Variants in USP37 observed in about 807,000 individuals in gnomAD.
The protein encoded by USP37 is ubiquitin carboxyl-terminal hydrolase 37.
Under a neutral mutation model 124.0 loss-of-function variants are expected in USP37, and 27 were observed. That is an observed-to-expected ratio of 0.22 (90% CI 0.16 to 0.30). The LOEUF is 0.30. Among genes scored for constraint, USP37 ranks in the 10% least tolerant of loss-of-function variants. The probability of loss-of-function intolerance (pLI) is 1.00; values close to 1 mark genes in which losing one functional copy is unlikely to be tolerated. For synonymous variants in USP37, 365 were observed against 388.0 expected (o/e 0.94, Z 0.70); for missense variants, 889 against 1,140.4 (o/e 0.78, Z 3.17).
intron 19 of USP37, among the ~76,000 whole-genome samples, chr2:218,476,290 CA>C (rs1161302950): frequency 6.6e-6 from 1 of 152,098 alleles, no homozygotes; most frequent in African/African-American, 2.4e-5. Flanking sequence ...ACAATTGCTA[CA>C]GGCTGGGAGT....
intron 10 of USP37, among the ~76,000 whole-genome samples, chr2:218,526,626 T>C: frequency 6.6e-6 from 1 of 152,144 alleles, no homozygotes; most frequent in East Asian, 1.9e-4. Context: ...TTGTTTGGTA[T>C]TTTTTGAGGC....
intron 8 of USP37, among the ~76,000 whole-genome samples, chr2:218,539,807 C>A (rs910857230): frequency 1.3e-5 from 2 of 151,780 alleles, no homozygotes; most frequent in African/African-American, 4.8e-5. Flanking sequence ...GTCAGGAGTT[C>A]GAGACCAGCC....
rs567276914 is a variant in USP37 at position 218,502,122 on chromosome 2, A to G, written c.1026-3965T>C. The stretch of plus-strand genomic sequence containing the variant: ...GCAGATCACACAGCTGAGAAAGAAG[A>G]AAAAAAACAGAAATGAAAAAGAAGA... On this transcript the variant is annotated intron_variant, in intron 11 of 25. Coordinates refer to ENST00000258399, the MANE Select transcript of USP37 (RefSeq NM_020935.3). 5.3e-5 allele frequency among the ~76,000 whole-genome samples: 8 copies of G among 152,114 alleles called. No homozygotes were observed. In the East Asian group the frequency reaches 1.5e-3, roughly 29 times the overall value.
chr2:218,526,283 G>A (rs2106020333), intron 10 of USP37, among the ~76,000 whole-genome samples: 1 of 152,026 alleles, frequency 6.6e-6, no homozygotes, highest in South Asian at 2.1e-4. Flanking sequence ...CCAGGTTAGA[G>A]TGCAGTGGTG....
intron 16 of USP37, among the ~76,000 whole-genome samples, chr2:218,485,411 C>T (rs1352168292): frequency 1.3e-5 from 2 of 152,148 alleles, no homozygotes; most frequent in African/African-American, 2.4e-5. Context: ...ACCTCAGCCT[C>T]CCAAAGTGCT....
rs1467679493 is a variant in USP37 at position 218,454,997 on chromosome 2, A to T, written c.2873T>A (p.Leu958Gln). Residue 958 changes from leucine (L) to glutamine (Q), a missense_variant, in exon 26 of 26, where the codon CTG becomes CAG. Physicochemically the swap from Leu to Gln is moderately radical, Grantham distance 113. Transcript: ENST00000258399. ...TGACTGAGAGTTCTTTTCTGTTTCCAGCAGCTCATCAAAGATCTCCCTTAA... is the reference window on the plus strand; with the variant it reads ...TGACTGAGAGTTCTTTTCTGTTTCCTGCAGCTCATCAAAGATCTCCCTTAA... Reference protein sequence around the residue: ...YMHKEIFDELLETEKNSQSLS... With the variant: ...YMHKEIFDELQETEKNSQSLS... 6.2e-7 allele frequency: 1 copy of T among 1,614,080 alleles called. No homozygotes were observed. Among genetic ancestry groups the T allele is most frequent in the East Asian group, 2.2e-5 (1 of 44,884 alleles).
Position 218,482,090 on chromosome 2 carries a change from A to G in USP37, c.1815T>C (p.Gly605=), listed in dbSNP as rs1437755838. The stretch of plus-strand genomic sequence containing the variant: ...CTTACATTGCCATATGTGCACTCCA[A>G]CCAAGGGTAAAAGGTGGTTTTGTAT... ...TENTKPPFTL[G]WSAHMAISRP... Residue 605 remains glycine, a synonymous_variant, in exon 17 of 26, where the codon GGT becomes GGC. Transcript: ENST00000258399. The G allele has an allele frequency of 6.2e-7, 1 of 1,612,836 alleles. No individual in the cohort carries two copies. Among genetic ancestry groups the G allele is most frequent in the Non-Finnish European group, 8.5e-7 (1 of 1,179,204 alleles).
At chr2:218,562,225 G>A (rs1309585495) in intron 2 of USP37, among the ~76,000 whole-genome samples, 1 of 152,150 alleles carries the variant, frequency 6.6e-6, no homozygotes, top group African/African-American at 2.4e-5. Context: ...TTCTTTTTCA[G>A]CATGAAGCAT....
intron 11 of USP37, among the ~76,000 whole-genome samples, chr2:218,508,183 T>C (rs1383856946): frequency 6.6e-6 from 1 of 152,192 alleles, no homozygotes; most frequent in African/African-American, 2.4e-5. Flanking sequence ...CTGGTTAATC[T>C]TATGGTTTTT....
At chr2:218,555,528 T>C (rs1192094720) in intron 4 of USP37, among the ~76,000 whole-genome samples, 1 of 152,152 alleles carries the variant, frequency 6.6e-6, no homozygotes, top group East Asian at 1.9e-4. Flanking sequence ...ATAGATAACA[T>C]TAAACGCATT....
At chr2:218,564,324 T>G (rs906609985) in intron 1 of USP37, among the ~76,000 whole-genome samples, 2 of 152,224 alleles carry the variant, frequency 1.3e-5, no homozygotes, top group Admixed American at 1.3e-4. Flanking sequence ...TCAATTTAAT[T>G]TTTAAAATAA....
At chr2:218,462,602 G>A (rs900953196) in intron 22 of USP37, among the ~76,000 whole-genome samples, 10 of 152,052 alleles carry the variant, frequency 6.6e-5, no homozygotes, top group Admixed American at 5.9e-4. Flanking sequence ...GAAAATTCAC[G>A]GGGAAACTGA....
chr2:218,474,223 A>T (rs186914984), intron 20 of USP37, among the ~76,000 whole-genome samples: 31 of 152,352 alleles, frequency 2.0e-4, no homozygotes, highest in African/African-American at 7.5e-4. Flanking sequence ...CTAGTGATGT[A>T]TACCTAAAGG....
At chr2:218,456,350 C>G (rs567553307) in intron 24 of USP37, among the ~76,000 whole-genome samples, 17 of 151,482 alleles carry the variant, frequency 1.1e-4, no homozygotes, top group African/African-American at 3.9e-4. Context: ...ACTCAGCAGG[C>G]TGAGGGAGGA....
chr2:218,542,609 T>A (rs929225078), intron 8 of USP37, among the ~76,000 whole-genome samples: 2 of 152,184 alleles, frequency 1.3e-5, no homozygotes, highest in Admixed American at 1.3e-4. Flanking sequence ...GGGTTTCCAA[T>A]ATTGGCAGTG....
chr2:218,529,943 A>C lies in USP37; in HGVS notation c.863+13T>G. ...CTCCTAAGTTTTTCACAAGTAATAT[A>C]ACCAATGCATACCTGTCTAAGTTAG... On this transcript the variant is annotated intron_variant, in intron 10 of 25. Transcript: ENST00000258399. 6.3e-7 allele frequency: 1 copy of C among 1,587,876 alleles called. No individual in the cohort carries two copies. The highest frequency in any genetic ancestry group is 2.2e-5 in the East Asian group (1 of 44,754).
At chr2:218,467,032 AT>A (rs1367678644) in intron 20 of USP37, among the ~76,000 whole-genome samples, 1 of 152,026 alleles carries the variant, frequency 6.6e-6, no homozygotes, top group East Asian at 1.9e-4. Context: ...TGCCTCGCCG[AT>A]TTTCCCCATT....
Position 218,546,988 on chromosome 2 carries a change from C to T in USP37, c.533G>A (p.Gly178Glu). ...RGSIKTVAGS[G>E]IARTIPSLTS... ...CAAAGAAGGAATCGTCCGAGCTATT[C>T]CACTTCCTGCTACAGTCTTAATCGA... The change falls in exon 7 of 26, where the codon GGA becomes GAA. Residue 178 changes from glycine to glutamate, a missense_variant. Physicochemically the swap from Gly to Glu is moderately conservative, Grantham distance 98. This residue lies in a region of USP37 where 374 missense variants were observed against 386.0 expected (regional missense o/e 0.97). Transcript: ENST00000258399. The T allele has an allele frequency of 6.2e-7, 1 of 1,613,740 alleles. No individual in the cohort carries two copies. The highest frequency in any genetic ancestry group is 1.1e-5 in the South Asian group (1 of 90,978).
At chr2:218,538,468 A>T (rs1215643717) in intron 8 of USP37, among the ~76,000 whole-genome samples, 2 of 152,194 alleles carry the variant, frequency 1.3e-5, no homozygotes, top group Admixed American at 1.3e-4. Context: ...TCACCAGAGA[A>T]CAACACTAAA....
Sources: gnomAD v4.1 joint callset for allele counts (sites outside exome capture counted in the v4.1 genomes callset) on GRCh38, gnomAD v4.1.1 for gene constraint, gnomAD v4.1.1 regional missense constraint, MANE v1.5 for transcripts, NCBI Gene and HGNC (gene_info 2026-07-23, HGNC 2026-07-21) for gene names.